Variants in B3GALNT2 observed in about 807,000 individuals in gnomAD.
The protein encoded by B3GALNT2 is UDP-GalNAc:beta-1,3-N-acetylgalactosaminyltransferase 2.
Under a neutral mutation model 61.1 loss-of-function variants are expected in B3GALNT2, and 53 were observed. The observed-to-expected ratio is 0.87, with a 90% CI of 0.70 to 1.09. The LOEUF is 1.09. B3GALNT2 is among the 50% of genes least tolerant of loss of function. The pLI, the probability that B3GALNT2 is intolerant of heterozygous loss-of-function variation, is 0.00. For missense variants in B3GALNT2, 544 were observed against 623.0 expected (o/e 0.87, Z 1.35); for synonymous variants, 223 against 237.4 (o/e 0.94, Z 0.56).
chr1:235,461,898 T>G (rs1478248405), intron 7 of B3GALNT2, among the ~76,000 whole-genome samples: 1 of 152,226 alleles, frequency 6.6e-6, no homozygotes, highest in African/African-American at 2.4e-5. Context: ...ATGCTTTGAG[T>G]ACATATGCAA....
In B3GALNT2 at chr1:235,448,805, C is replaced by CT; in HGVS notation, c.*1400dup. The CT allele has an allele frequency of 7.4e-7, 1 of 1,358,860 alleles. No individual in the cohort carries two copies. The highest frequency in any genetic ancestry group is 1.1e-6 in the Non-Finnish European group (1 of 950,540). The allele number at this position is 1,358,860 out of a possible 1,614,324, so 84.2% of individuals were successfully genotyped here. A position where few individuals can be genotyped will look rare whatever the true frequency, so the allele number is the denominator to read the frequency against. ...TTAAAGACCACACTGCTTATCGTGT[C>CT]TGGGGTTCACCGGAAATAAATGATT... On this transcript the variant is annotated 3_prime_UTR_variant, in exon 12 of 12. Transcript: ENST00000366600.
the B3GALNT2 span, chr1:235,441,765 T>G: frequency 6.5e-7 from 1 of 1,546,276 alleles, no homozygotes; most frequent in Admixed American, 1.7e-5. Context: ...TTGTTTTTAC[T>G]TATAGTGGCC....
At chr1:235,503,662 A>C (rs1320359369) in intron 1 of B3GALNT2, among the ~76,000 whole-genome samples, 3 of 152,200 alleles carry the variant, frequency 2.0e-5, no homozygotes, top group Non-Finnish European at 2.9e-5. Flanking sequence ...TAAAAGCAAA[A>C]CCGAGCCACC....
chr1:235,481,038 C>T (rs1353564328), intron 4 of B3GALNT2, among the ~76,000 whole-genome samples: 1 of 149,684 alleles, frequency 6.7e-6, no homozygotes, highest in Non-Finnish European at 1.5e-5. Context: ...TCTTATATAC[C>T]AACTTAACCA....
the B3GALNT2 span, chr1:235,440,810 G>T: frequency 5.3e-5 from 8 of 152,184 alleles, no homozygotes; most frequent in African/African-American, 1.9e-4. Flanking sequence ...CTGGCACTTG[G>T]CATGCACGGT....
Position 235,494,702 on chromosome 1 carries a change from T to C in B3GALNT2, c.239A>G (p.Gln80Arg), listed in dbSNP as rs1303419524. 6.2e-7 allele frequency: 1 copy of C among 1,613,258 alleles called. No individual in the cohort carries two copies. The highest frequency in any genetic ancestry group is 8.5e-7 in the Non-Finnish European group (1 of 1,179,402). ...CTACCGTTGACTTAATGTGGGATGC[T>C]GTAGCAAATGTCTCATCCAGGTGCT... ...IRSTWMRHLLQHPTLSQRVLV... is the reference protein window; with the variant it reads ...IRSTWMRHLLRHPTLSQRVLV... The change falls in exon 2 of 12, where the codon CAG (glutamine) becomes CGG (arginine). Residue 80 changes from glutamine (Q) to arginine (R), a missense_variant. Physicochemically the swap from Gln to Arg is conservative, Grantham distance 43. Coordinates refer to ENST00000366600, the MANE Select transcript of B3GALNT2 (RefSeq NM_152490.5).
chr1:235,494,600 G>A, intron 2 of B3GALNT2, 81 bp downstream of exon 2: 1 of 1,442,344 alleles, frequency 6.9e-7, no homozygotes, highest in Non-Finnish European at 9.5e-7. Context: ...GGGACGACGG[G>A]CACACACCAC....
At chr1:235,499,555 A>G (rs1685493563) in intron 1 of B3GALNT2, among the ~76,000 whole-genome samples, 1 of 152,240 alleles carries the variant, frequency 6.6e-6, no homozygotes, top group South Asian at 2.1e-4. Flanking sequence ...CCTGAGGGCA[A>G]CGTAAGGGCC....
chr1:235,480,005 C>T, intron 5 of B3GALNT2, 49 bp downstream of exon 5: 1 of 1,607,878 alleles, frequency 6.2e-7, no homozygotes, highest in East Asian at 2.2e-5. Context: ...CACGCCCACT[C>T]CTATGAAGGA....
chr1:235,474,950 C>CATATATATATATATATATATATAT (rs1159752267), intron 5 of B3GALNT2, among the ~76,000 whole-genome samples: 4 of 39,358 alleles, frequency 1.0e-4, no homozygotes, highest in African/African-American at 3.8e-4. Context: ...AAATTAGAGA[C>CATATATATATATATATATATATAT]ATATATATAT....
chr1:235,470,559 C>A (rs868201202), intron 6 of B3GALNT2, among the ~76,000 whole-genome samples: 48 of 87,664 alleles, frequency 5.5e-4, no homozygotes, highest in Middle Eastern at 0.019. Context: ...GCCTGTGCAA[C>A]AAAGTGAGAC....
At chr1:235,443,374 G>A (rs1044485007), downstream of B3GALNT2, among the ~76,000 whole-genome samples, 3 of 152,000 alleles carry the variant, frequency 2.0e-5, no homozygotes, top group Non-Finnish European at 4.4e-5. Context: ...GCTAATTTTT[G>A]TATTTTTTGT....
chr1:235,478,384 G>A (rs1451353991), intron 5 of B3GALNT2, among the ~76,000 whole-genome samples: 1 of 152,126 alleles, frequency 6.6e-6, no homozygotes, highest in Non-Finnish European at 1.5e-5. Context: ...AGGTAACTTT[G>A]ATGGTACATA....
chr1:235,471,788 G>A (rs527989705), intron 5 of B3GALNT2, among the ~76,000 whole-genome samples: 58 of 152,150 alleles, frequency 3.8e-4, no homozygotes, highest in Non-Finnish European at 7.4e-4. Flanking sequence ...TCAGCCTCCC[G>A]CGTAGCTGGG....
At chr1:235,459,145 A>AG (rs957498020) in intron 7 of B3GALNT2, among the ~76,000 whole-genome samples, 9 of 151,800 alleles carry the variant, frequency 5.9e-5, no homozygotes, top group Non-Finnish European at 4.4e-5. Flanking sequence ...GTCCACTGAG[A>AG]GAAAAAAAAA....
rs538743909 is a variant in B3GALNT2 at position 235,462,578 on chromosome 1, A to G, written c.841+3058T>C. Reference sequence around the variant, plus strand: ...GTATGTCTATATACTCGCAATGAACAATCTTAAAATTAAATTAGAAAAACA... The same window carrying G: ...GTATGTCTATATACTCGCAATGAACGATCTTAAAATTAAATTAGAAAAACA... On this transcript the variant is annotated intron_variant, in intron 7 of 11. Transcript: ENST00000366600. Among the ~76,000 whole-genome samples, 103 of 152,356 alleles carry G rather than the reference A, an allele frequency of 6.8e-4. 1 individual carries two copies. The highest frequency in any genetic ancestry group is 2.4e-3 in the African/African-American group (101 of 41,588).
At chr1:235,490,528 G>A (rs1425326544) in intron 2 of B3GALNT2, among the ~76,000 whole-genome samples, 1 of 152,098 alleles carries the variant, frequency 6.6e-6, no homozygotes, top group Non-Finnish European at 1.5e-5. Flanking sequence ...ACTGTGTCCG[G>A]ACCTGAATTA....
intron 6 of B3GALNT2, among the ~76,000 whole-genome samples, chr1:235,467,512 C>A (rs1683761665): frequency 8.0e-6 from 1 of 125,582 alleles, no homozygotes; most frequent in African/African-American, 3.1e-5. Flanking sequence ...GAGACGAAGT[C>A]TTGCTCTTGT....
intron 5 of B3GALNT2, among the ~76,000 whole-genome samples, chr1:235,474,562 G>A (rs1000466451): frequency 1.3e-5 from 2 of 152,100 alleles, no homozygotes; most frequent in African/African-American, 4.8e-5. Flanking sequence ...GCTCACACCT[G>A]TAATCCCAGC....
Sources: allele counts gnomAD v4.1 joint callset (sites outside exome capture counted in the v4.1 genomes callset), GRCh38; gene constraint gnomAD v4.1.1; transcripts MANE v1.5; gene names NCBI Gene and HGNC (gene_info 2026-07-23, HGNC 2026-07-21).